The following MCRS1 variants were observed in gnomAD, a reference collection of about 807,000 sequenced individuals.
MCRS1 encodes the protein microspherule protein 1, also known as 58 kDa microspherule protein.
Under a neutral mutation model 62.9 loss-of-function variants are expected in MCRS1, and 22 were observed. That is an observed-to-expected ratio of 0.35 (90% CI 0.25 to 0.50). The LOEUF is 0.50. Among genes scored for constraint, MCRS1 ranks in the 20% least tolerant of loss-of-function variants. The pLI, the probability that MCRS1 is intolerant of heterozygous loss-of-function variation, is 0.98. For missense variants in MCRS1, 456 were observed against 601.1 expected, an observed-to-expected ratio of 0.76 and a Z score of 2.52; for synonymous variants, 244 against 233.5, an observed-to-expected ratio of 1.04 and a Z score of -0.41.
Position 49,558,657 on chromosome 12 carries a change from T to C in MCRS1, c.1375A>G (p.Ile459Val). The C allele has an allele frequency of 6.2e-7, 1 of 1,613,428 alleles. No homozygotes were observed. Among genetic ancestry groups the C allele is most frequent in the Non-Finnish European group, 8.5e-7 (1 of 1,180,018 alleles). ...IALIRAEAAKITPQ is the reference protein window; with the variant it reads ...IALIRAEAAKVTPQ ...GCCACCACTCCTCACTGTGGTGTGATCTTGGCAGCCTCAGCCCTGATGAGG... is the reference window on the plus strand; with the variant it reads ...GCCACCACTCCTCACTGTGGTGTGACCTTGGCAGCCTCAGCCCTGATGAGG... The change falls in exon 15 of 15, where the codon ATC becomes GTC. Residue 459 changes from isoleucine to valine, a missense_variant. Coordinates refer to ENST00000343810, the MANE Select transcript of MCRS1 (RefSeq NM_006337.5).
rs375901501 is a variant in MCRS1, at chr12:49,559,972, G to A, written c.882-5C>T. ...AGGACCTCATCTCGCATGTCCCTGA[G>A]GGGCAAGAAGAGAAGGAAGATTTAG... On this transcript the variant is annotated splice_region_variant and splice_polypyrimidine_tract_variant and intron_variant, in intron 9 of 14. Coordinates refer to ENST00000343810, the MANE Select transcript of MCRS1 (RefSeq NM_006337.5). This position sits in a 1 kb window ranked among gnomAD's most constrained non-coding sequence, Gnocchi z 5.2. 3.6e-5 allele frequency: 58 copies of A among 1,614,178 alleles called. No individual in the cohort carries two copies. Among genetic ancestry groups the A allele is most frequent in the Non-Finnish European group, 4.7e-5 (55 of 1,180,020 alleles).
In MCRS1 at chr12:49,559,588, G is replaced by A; in HGVS notation, c.1004-53C>T. The A allele has an allele frequency of 1.9e-6, 3 of 1,600,002 alleles. No homozygotes were observed. The highest frequency in any genetic ancestry group is 2.6e-6 in the Non-Finnish European group (3 of 1,173,218). On this transcript the variant is annotated intron_variant, in intron 11 of 14. Coordinates refer to ENST00000343810, the MANE Select transcript of MCRS1 (RefSeq NM_006337.5). This position sits in a 1 kb window ranked among gnomAD's most constrained non-coding sequence, Gnocchi z 5.2. ...CTACCCCTGAGGGCCAGAATGCAAG[G>A]CAGGGAACCAGGGCAAGGTTTATAA...
At chr12:49,562,287 A>G (rs1299340348) in intron 8 of MCRS1, among the ~76,000 whole-genome samples, 2 of 152,254 alleles carry the variant, frequency 1.3e-5, no homozygotes, top group African/African-American at 4.8e-5. Flanking sequence ...ACGTGCTTGT[A>G]CTATGGAAAT....
chr12:49,561,982 A>G (rs1938793565), intron 8 of MCRS1, among the ~76,000 whole-genome samples: 1 of 152,208 alleles, frequency 6.6e-6, no homozygotes, highest in African/African-American at 2.4e-5. Flanking sequence ...TCCAGTCAGT[A>G]TCTGTTCTCT....
chr12:49,559,610 A>C lies in MCRS1; in HGVS notation c.1004-75T>G. On this transcript the variant is annotated intron_variant, in intron 11 of 14. Coordinates refer to ENST00000343810, the MANE Select transcript of MCRS1 (RefSeq NM_006337.5). This position sits in a 1 kb window ranked among gnomAD's most constrained non-coding sequence, Gnocchi z 5.2. Reference sequence around the variant, plus strand: ...AAGGCAGGGAACCAGGGCAAGGTTTATAAGGGAAGGGGGTCGGGGCCTGGG... The same window carrying C: ...AAGGCAGGGAACCAGGGCAAGGTTTCTAAGGGAAGGGGGTCGGGGCCTGGG... The C allele has an allele frequency of 6.3e-7, 1 of 1,594,574 alleles. No homozygotes were observed. Among genetic ancestry groups the C allele is most frequent in the South Asian group, 1.1e-5 (1 of 90,700 alleles).
Position 49,564,605 on chromosome 12 carries a change from A to C in MCRS1, c.448-15T>G. On this transcript the variant is annotated splice_polypyrimidine_tract_variant and intron_variant, in intron 5 of 14. Coordinates refer to ENST00000343810, the MANE Select transcript of MCRS1 (RefSeq NM_006337.5). The stretch of plus-strand genomic sequence containing the variant: ...AGGTCGTTGGTCTGCAAGGCCCCAG[A>C]AGGATTTGCTCCAGCCTTGGAGCTG... 1.2e-6 allele frequency: 2 copies of C among 1,609,208 alleles called. No homozygotes were observed. Among genetic ancestry groups the C allele is most frequent in the Non-Finnish European group, 1.7e-6 (2 of 1,177,666 alleles).
intron 9 of MCRS1, 123 bp from the exon 10 acceptor site, chr12:49,560,090 C>A: frequency 2.9e-6 from 4 of 1,373,214 alleles, no homozygotes; most frequent in Non-Finnish European, 4.1e-6. Flanking sequence ...CAGGCCTTGG[C>A]CCAGCCTCCT....
intron 6 of MCRS1, among the ~76,000 whole-genome samples, 176 bp from the exon 7 acceptor site, chr12:49,563,722 T>C (rs1219536565): frequency 6.6e-6 from 1 of 152,184 alleles, no homozygotes; most frequent in African/African-American, 2.4e-5. Flanking sequence ...GTTTGTCAAG[T>C]GAATGAACAG....
In MCRS1 at chr12:49,558,644, C is replaced by G; in HGVS notation, c.1388G>C (p.Ter463SerextTer46). The change falls in exon 15 of 15, where the codon TGA (stop) becomes TCA (serine). Residue 463 changes from the stop codon to serine (S), a stop_lost. Transcript: ENST00000343810. Reference protein sequence around the residue: ...RAEAAKITPQ* With the variant: ...RAEAAKITPQS ...GCCCACGAGTCCTGCCACCACTCCT[C>G]ACTGTGGTGTGATCTTGGCAGCCTC... 6.2e-7 allele frequency: 1 copy of G among 1,612,890 alleles called. No homozygotes were observed. The highest frequency in any genetic ancestry group is 8.5e-7 in the Non-Finnish European group (1 of 1,179,818).
Position 49,566,119 on chromosome 12 carries a change from G to C in MCRS1, c.107C>G (p.Ser36Cys). 1 of 1,614,240 alleles carries C rather than the reference G, an allele frequency of 6.2e-7. No individual in the cohort carries two copies. The highest frequency in any genetic ancestry group is 8.5e-7 in the Non-Finnish European group (1 of 1,180,038). The part of the protein sequence containing the change: ...ESLAGQKRAS[S>C]QALGTIPKRR... ...TTTAGGGATGGTGCCCAAGGCCTGG[G>C]AGGAGGCTCGCTTCTGCCCTGCCAG... Residue 36 changes from serine (S) to cysteine (C), a missense_variant, in exon 3 of 15, where the codon TCC (serine) becomes TGC (cysteine). Ser to Cys is a moderately radical substitution (Grantham distance 112). Around this residue, in one of 3 missense-constraint regions of MCRS1, gnomAD observed 55 missense variants for 49.3 expected, o/e 1.12. Coordinates refer to ENST00000343810, the MANE Select transcript of MCRS1 (RefSeq NM_006337.5).
chr12:49,564,812 C>A lies in MCRS1; in HGVS notation c.372G>T (p.Gln124His), dbSNP rs1426684106. 11 of 1,613,992 alleles carry A rather than the reference C, an allele frequency of 6.8e-6. No individual in the cohort carries two copies. The highest frequency in any genetic ancestry group is 8.5e-6 in the Non-Finnish European group (10 of 1,180,010). Residue 124 changes from glutamine to histidine, a missense_variant, in exon 5 of 15, where the codon CAG becomes CAT. By Grantham distance (24) the Gln-to-His change is conservative (BLOSUM62 0). Transcript: ENST00000343810. ...GLTKRVKKSK[Q>H]PLQVTKDLGR... The stretch of plus-strand genomic sequence containing the variant: ...CCAGATCCTTGGTCACCTGAAGTGG[C>A]TGTTTACTCTTCTTCACACGCTTGG...
At chr12:49,564,941 T>C in intron 4 of MCRS1, 46 bp from the exon 5 acceptor site, 1 of 1,515,374 alleles carries the variant, frequency 6.6e-7, no homozygotes, top group Non-Finnish European at 8.9e-7. Flanking sequence ...CAGCATCCAG[T>C]CAGCTGGCGC....
At chr12:49,558,775 C>T (rs765751692) in intron 14 of MCRS1, 46 bp from the exon 15 acceptor site, 1 of 1,613,592 alleles carries the variant, frequency 6.2e-7, no homozygotes, top group South Asian at 1.1e-5. Context: ...GGCACCAGGA[C>T]CAAGTTGGTG....
At position 49,566,624 on chromosome 12, in the gene MCRS1, C is replaced by A. The variant is rs1939078789; in HGVS notation, c.10+98G>T. The A allele has an allele frequency of 2.5e-6, 4 of 1,573,544 alleles. No individual in the cohort carries two copies. The Admixed American group carries it at 7.1e-5, about 28-fold the overall frequency. Reference sequence around the variant, plus strand: ...GCTGGCCCAGGGGGAGGTGGCAAGGCCTAGCCAGGACCGAAAGACACACGT... The same window carrying A: ...GCTGGCCCAGGGGGAGGTGGCAAGGACTAGCCAGGACCGAAAGACACACGT... On this transcript the variant is annotated intron_variant, in intron 2 of 14. Coordinates refer to ENST00000343810, the MANE Select transcript of MCRS1 (RefSeq NM_006337.5).
Position 49,566,824 on chromosome 12 carries a change from A to C in MCRS1, c.-93T>G. On this transcript the variant is annotated 5_prime_UTR_variant, in exon 2 of 15. Transcript: ENST00000343810. The stretch of plus-strand genomic sequence containing the variant: ...CCAAGGATTCTGACCAGGTGAGCTT[A>C]AAGGCTGAGAGGAGATTCTGCAAAG... 6.6e-7 allele frequency: 1 copy of C among 1,519,220 alleles called. No homozygotes were observed. Among genetic ancestry groups the C allele is most frequent in the Non-Finnish European group, 9.0e-7 (1 of 1,111,230 alleles). 94.1% of individuals were successfully genotyped at this position (1,519,220 alleles called of 1,614,324 possible).
chr12:49,567,860 C>T (rs546049101), intron 1 of MCRS1, 188 bp downstream of exon 1: 4 of 152,340 alleles, frequency 2.6e-5, no homozygotes, highest in Non-Finnish European at 5.9e-5. Flanking sequence ...GTCTCCATGC[C>T]TTTGCGCATG....
At chr12:49,565,259 G>A in intron 4 of MCRS1, 1 of 985,406 alleles carries the variant, frequency 1.0e-6, no homozygotes. Context: ...CTGGGAACAG[G>A]CTGTCTGCTC....
In MCRS1 at chr12:49,559,342, TG is replaced by T. The variant is rs1938626253; in HGVS notation, c.1087-42del. The T allele has an allele frequency of 6.2e-7, 1 of 1,608,450 alleles. No individual in the cohort carries two copies. The highest frequency in any genetic ancestry group is 1.3e-5 in the African/African-American group (1 of 74,748). On this transcript the variant is annotated intron_variant, in intron 12 of 14. Coordinates refer to ENST00000343810, the MANE Select transcript of MCRS1 (RefSeq NM_006337.5). This position sits in a 1 kb window ranked among gnomAD's most constrained non-coding sequence, Gnocchi z 5.2. Reference sequence around the variant, plus strand: ...AGGTGAGGGCTGGGACCTGAAGAATTGGGGGAGTAGGTCTATGCAGGCCAGA... The same window carrying T: ...AGGTGAGGGCTGGGACCTGAAGAATTGGGGAGTAGGTCTATGCAGGCCAGA...
rs1356761717 is a variant in MCRS1 at position 49,560,331 on chromosome 12, G to A, written c.845C>T (p.Ser282Phe). The A allele has an allele frequency of 6.2e-7, 1 of 1,614,248 alleles. No homozygotes were observed. Among genetic ancestry groups the A allele is most frequent in the Non-Finnish European group, 8.5e-7 (1 of 1,180,044 alleles). The change falls in exon 9 of 15, where the codon TCT (serine) becomes TTT (phenylalanine). Residue 282 changes from serine (S) to phenylalanine (F), a missense_variant. Transcript: ENST00000343810. ...GTCATCAATCAGGTCCTCTGCATCAGAGAAGTTCAGCACTTGGTCCCCTTT... is the reference window on the plus strand; with the variant it reads ...GTCATCAATCAGGTCCTCTGCATCAAAGAAGTTCAGCACTTGGTCCCCTTT... ...LPKGDQVLNF[S>F]DAEDLIDDSK... is the part of the protein sequence containing the mutation.
Sources: gnomAD v4.1 joint callset for allele counts (sites outside exome capture counted in the v4.1 genomes callset) on GRCh38, gnomAD v4.1.1 for gene constraint, gnomAD v4.1.1 regional missense constraint, Gnocchi (gnomAD v3.1) non-coding constraint, MANE v1.5 for transcripts, NCBI Gene and HGNC (gene_info 2026-07-23, HGNC 2026-07-21) for gene names.